The following CNTNAP2 variants were observed in gnomAD, a reference collection of about 807,000 sequenced individuals.
CNTNAP2 encodes the protein contactin-associated protein-like 2.
A neutral mutation model predicts 155.2 loss-of-function variants in CNTNAP2; 98 were observed. The observed-to-expected ratio is 0.63, with a 90% CI of 0.54 to 0.75. The LOEUF is 0.75. Ranked by LOEUF, CNTNAP2 falls within the 30% of genes least tolerant of loss-of-function variation. The pLI, the probability that CNTNAP2 is intolerant of heterozygous loss-of-function variation, is 0.00. For synonymous variants in CNTNAP2, 651 were observed against 631.2 expected (o/e 1.03, Z -0.47); for missense variants, 1,727 against 1,688.1 (o/e 1.02, Z -0.40).
At chr7:147,104,279 G>T (rs1041680835) in intron 4 of CNTNAP2, among the ~76,000 whole-genome samples, 2 of 151,898 alleles carry the variant, frequency 1.3e-5, no homozygotes, top group African/African-American at 4.8e-5. Context: ...GAAGAAGTTG[G>T]ACATTTAACT....
intron 15 of CNTNAP2, among the ~76,000 whole-genome samples, chr7:148,019,414 C>T (rs1802238277): frequency 2.6e-5 from 4 of 152,072 alleles, no homozygotes; most frequent in Admixed American, 2.6e-4. Context: ...TTCTTCAGTT[C>T]CTTGTTGTAA....
intron 15 of CNTNAP2, among the ~76,000 whole-genome samples, chr7:148,051,759 AT>A (rs1802893112): frequency 6.6e-6 from 1 of 152,226 alleles, no homozygotes. Context: ...ATTCCAAAGA[AT>A]TACAGACTTC....
chr7:147,698,896 G>A (rs1404468880), intron 13 of CNTNAP2, among the ~76,000 whole-genome samples: 1 of 151,946 alleles, frequency 6.6e-6, no homozygotes, highest in Non-Finnish European at 1.5e-5. Flanking sequence ...ATTAGAAAAA[G>A]TAAATAAATA....
At chr7:146,226,910 T>C (rs1226431945) in intron 1 of CNTNAP2, among the ~76,000 whole-genome samples, 1 of 152,180 alleles carries the variant, frequency 6.6e-6, no homozygotes, top group East Asian at 1.9e-4. Context: ...ACATGTACAC[T>C]TCATTACTTT....
intron 23 of CNTNAP2, among the ~76,000 whole-genome samples, chr7:148,413,298 A>C (rs1799887002): frequency 6.7e-6 from 1 of 149,424 alleles, no homozygotes; most frequent in Non-Finnish European, 1.5e-5. Context: ...AGGCTGAGAC[A>C]GGAGAATTGC....
At chr7:146,618,672 T>C (rs1382890440) in intron 1 of CNTNAP2, among the ~76,000 whole-genome samples, 3 of 152,178 alleles carry the variant, frequency 2.0e-5, no homozygotes, top group Non-Finnish European at 4.4e-5. Flanking sequence ...AATGAGTATA[T>C]ATATTTGACT....
chr7:148,059,458 G>A (rs768198969), intron 15 of CNTNAP2, among the ~76,000 whole-genome samples: 11 of 151,904 alleles, frequency 7.2e-5, no homozygotes, highest in Admixed American at 2.0e-4. Context: ...GGGTGTGGTG[G>A]TGCATGCCTG....
intron 9 of CNTNAP2, among the ~76,000 whole-genome samples, chr7:147,333,289 C>T (rs1275087626): frequency 6.6e-6 from 1 of 152,140 alleles, no homozygotes; most frequent in Non-Finnish European, 1.5e-5. Context: ...GAACTCTCGG[C>T]GTTCTGATTC....
intron 13 of CNTNAP2, among the ~76,000 whole-genome samples, chr7:147,648,957 G>A (rs929665155): frequency 6.6e-6 from 1 of 152,204 alleles, no homozygotes; most frequent in Admixed American, 6.5e-5. Context: ...GGCAGGAATT[G>A]TACCCACCCT....
intron 18 of CNTNAP2, among the ~76,000 whole-genome samples, chr7:148,179,998 A>G (rs1218273217): frequency 1.3e-5 from 2 of 152,248 alleles, no homozygotes; most frequent in East Asian, 3.8e-4. Context: ...TGCATGGTCT[A>G]CCCTTTTAGA....
rs1032929548 is a variant in CNTNAP2 at position 147,719,565 on chromosome 7, A to G, written c.2098+80259A>G. ...ATAACAACAGCAACCACCGGAGCAAATTAAAATGTTTTACACTGGTAAACA... is the reference window on the plus strand; with the variant it reads ...ATAACAACAGCAACCACCGGAGCAAGTTAAAATGTTTTACACTGGTAAACA... On this transcript the variant is annotated intron_variant, in intron 13 of 23. Coordinates refer to ENST00000361727, the MANE Select transcript of CNTNAP2 (RefSeq NM_014141.6). Among the ~76,000 whole-genome samples the G allele has an allele frequency of 9.2e-5, 14 of 152,144 alleles. 1 individual carries two copies. The highest frequency in any genetic ancestry group is 8.5e-4 in the Admixed American group (13 of 15,252).
At chr7:148,218,422 T>A (rs1585195400) in intron 19 of CNTNAP2, among the ~76,000 whole-genome samples, 1 of 152,162 alleles carries the variant, frequency 6.6e-6, no homozygotes, top group East Asian at 1.9e-4. Flanking sequence ...AACAGGGTCT[T>A]GCTTTGTTGC....
At chr7:146,204,516 A>G (rs1798916963) in intron 1 of CNTNAP2, among the ~76,000 whole-genome samples, 1 of 152,148 alleles carries the variant, frequency 6.6e-6, no homozygotes, top group Non-Finnish European at 1.5e-5. Context: ...ACAAACAGAA[A>G]CAACAGTAGA....
At chr7:148,373,165 A>ATT (rs1563063190) in intron 21 of CNTNAP2, among the ~76,000 whole-genome samples, 1 of 151,236 alleles carries the variant, frequency 6.6e-6, no homozygotes, top group Non-Finnish European at 1.5e-5. Flanking sequence ...ATAAAAAATA[A>ATT]AAAAAAAGTA....
At chr7:146,721,889 ATTT>A (rs71527797) in intron 1 of CNTNAP2, among the ~76,000 whole-genome samples, 5 of 69,698 alleles carry the variant, frequency 7.2e-5, no homozygotes, top group Admixed American at 3.7e-4. Context: ...ATATATATAT[ATTT>A]TTTTTTTTTT....
At chr7:147,149,891 T>C (rs1264795620) in intron 8 of CNTNAP2, among the ~76,000 whole-genome samples, 4 of 152,180 alleles carry the variant, frequency 2.6e-5, no homozygotes, top group African/African-American at 9.7e-5. Context: ...ATGTGAGAAA[T>C]AGTTAAAAGA....
At chr7:146,485,035 GT>G (rs1271119189) in intron 1 of CNTNAP2, among the ~76,000 whole-genome samples, 4 of 151,986 alleles carry the variant, frequency 2.6e-5, no homozygotes, top group African/African-American at 7.3e-5. Flanking sequence ...GCAAGACTAG[GT>G]TTTTTTGTTC....
At chr7:147,226,368 G>A (rs1177288655) in intron 8 of CNTNAP2, among the ~76,000 whole-genome samples, 1 of 152,030 alleles carries the variant, frequency 6.6e-6, no homozygotes, top group Non-Finnish European at 1.5e-5. Context: ...TCAGTAAAGT[G>A]AATAAGTTAT....
At chr7:147,728,795 G>T (rs1467652777) in intron 13 of CNTNAP2, among the ~76,000 whole-genome samples, 1 of 151,744 alleles carries the variant, frequency 6.6e-6, no homozygotes, top group Non-Finnish European at 1.5e-5. Flanking sequence ...GTTTTCTATT[G>T]CAACTGATAT....
Sources: allele counts gnomAD v4.1 joint callset (sites outside exome capture counted in the v4.1 genomes callset), GRCh38; gene constraint gnomAD v4.1.1; transcripts MANE v1.5; gene names NCBI Gene and HGNC (gene_info 2026-07-23, HGNC 2026-07-21).